Variants in PDE1A observed in about 807,000 individuals in gnomAD.
PDE1A encodes dual specificity calcium/calmodulin-dependent 3',5'-cyclic nucleotide phosphodiesterase 1A.
Under a neutral mutation model 61.7 loss-of-function variants are expected in PDE1A, and 35 were observed. That is an observed-to-expected ratio of 0.57 (90% CI 0.43 to 0.75). The LOEUF (loss-of-function observed/expected upper bound fraction) is 0.75, where lower values mean the gene tolerates loss of function less well. PDE1A is among the 30% of genes least tolerant of loss of function. The probability of loss-of-function intolerance (pLI) is 0.00; values close to 1 mark genes in which losing one functional copy is unlikely to be tolerated. For missense variants in PDE1A, 597 were observed against 630.6 expected, an observed-to-expected ratio of 0.95 and a Z score of 0.57; for synonymous variants, 232 against 213.2, an observed-to-expected ratio of 1.09 and a Z score of -0.77.
chr2:182,330,221 G>A (rs1482224266), intron 1 of PDE1A, among the ~76,000 whole-genome samples: 3 of 151,974 alleles, frequency 2.0e-5, no homozygotes, highest in Non-Finnish European at 4.4e-5. Context: ...GCGCGAGCCT[G>A]TAATCCCAGC....
At chr2:182,674,772 T>A in the PDE1A span, among the ~76,000 whole-genome samples, 2 of 152,084 alleles carry the variant, frequency 1.3e-5, no homozygotes, top group African/African-American at 4.8e-5. Context: ...ACTTTCTACT[T>A]ACCTTTCTTC....
At chr2:182,704,632 A>T in the PDE1A span, among the ~76,000 whole-genome samples, 1 of 152,226 alleles carries the variant, frequency 6.6e-6, no homozygotes, top group East Asian at 1.9e-4. Context: ...TTACATATTA[A>T]CATGTATATT....
At chr2:182,518,016 T>C (rs1414511254) in intron 2 of PDE1A, among the ~76,000 whole-genome samples, 1 of 152,100 alleles carries the variant, frequency 6.6e-6, no homozygotes, top group Admixed American at 6.6e-5. Context: ...TAGGTCTGAA[T>C]AGGAGGCATG....
intron 1 of PDE1A, among the ~76,000 whole-genome samples, chr2:182,367,668 T>C (rs1055472445): frequency 2.6e-4 from 39 of 152,098 alleles, no homozygotes; most frequent in Non-Finnish European, 1.8e-4. Flanking sequence ...GTAGGGTTTA[T>C]AGATTAGTCA....
chr2:182,212,563 C>T (rs569909816), intron 7 of PDE1A, among the ~76,000 whole-genome samples: 43 of 152,230 alleles, frequency 2.8e-4, no homozygotes, highest in African/African-American at 7.5e-4. Context: ...GTGCGCGCAC[C>T]GTGCGCAAGC....
At chr2:182,624,606 G>A in the PDE1A span, among the ~76,000 whole-genome samples, 1 of 152,132 alleles carries the variant, frequency 6.6e-6, no homozygotes, top group South Asian at 2.1e-4. Context: ...TGGCAACCAT[G>A]AGCAATATAA....
At chr2:182,290,610 A>G (rs1293949742) in intron 1 of PDE1A, among the ~76,000 whole-genome samples, 1 of 151,862 alleles carries the variant, frequency 6.6e-6, no homozygotes. Context: ...GAAACTCTGT[A>G]TTTCTATGGC....
chr2:182,625,412 T>G, the PDE1A span, among the ~76,000 whole-genome samples: 1 of 152,222 alleles, frequency 6.6e-6, no homozygotes, highest in Non-Finnish European at 1.5e-5. Flanking sequence ...TTAGTTTAAC[T>G]TTTTCTGACT....
upstream of PDE1A, among the ~76,000 whole-genome samples, chr2:182,429,650 C>T (rs2125627327): frequency 1.3e-5 from 2 of 152,180 alleles, no homozygotes; most frequent in Middle Eastern, 3.4e-3. Flanking sequence ...CCAAGAATTC[C>T]ATCTAACCAA....
At chr2:182,459,670 A>G (rs1686149732) in intron 2 of PDE1A, among the ~76,000 whole-genome samples, 1 of 152,160 alleles carries the variant, frequency 6.6e-6, no homozygotes, top group African/African-American at 2.4e-5. Flanking sequence ...GTTGCCAGGA[A>G]GTGAAGAAGG....
downstream of PDE1A, chr2:182,167,878 A>ATC: frequency 9.6e-7 from 1 of 1,041,650 alleles, no homozygotes; most frequent in Non-Finnish European, 1.2e-6. Flanking sequence ...AAAAGGGACA[A>ATC]TCTAAGGTGA....
At chr2:182,559,896 T>G in the PDE1A span, among the ~76,000 whole-genome samples, 1 of 152,034 alleles carries the variant, frequency 6.6e-6, no homozygotes, top group African/African-American at 2.4e-5. Context: ...TCCATTTAAA[T>G]TTTTAAAAAA....
intron 1 of PDE1A, among the ~76,000 whole-genome samples, chr2:182,371,107 C>G (rs540630539): frequency 6.6e-6 from 1 of 152,206 alleles, no homozygotes; most frequent in East Asian, 1.9e-4. Flanking sequence ...TGGATGGAAT[C>G]ACAACTTAAT....
intron 1 of PDE1A, among the ~76,000 whole-genome samples, chr2:182,301,523 C>T (rs1420903321): frequency 1.3e-5 from 2 of 152,090 alleles, no homozygotes; most frequent in African/African-American, 4.8e-5. Flanking sequence ...GGTAGTGGTG[C>T]AGGGGTGCTT....
At chr2:182,345,804 ACTCTG>A (rs1489097483) in intron 1 of PDE1A, among the ~76,000 whole-genome samples, 1 of 151,626 alleles carries the variant, frequency 6.6e-6, no homozygotes, top group East Asian at 1.9e-4. Context: ...AAAGCTGAAG[ACTCTG>A]CCAGCACTCT....
intron 8 of PDE1A, among the ~76,000 whole-genome samples, chr2:182,203,339 C>G (rs544205483): frequency 1.5e-4 from 23 of 151,826 alleles, no homozygotes; most frequent in African/African-American, 5.6e-4. Flanking sequence ...CAAAACAAAA[C>G]TACATATTGA....
At chr2:182,456,275 GT>G (rs1242120606) in intron 2 of PDE1A, among the ~76,000 whole-genome samples, 1 of 152,068 alleles carries the variant, frequency 6.6e-6, no homozygotes, top group African/African-American at 2.4e-5. Context: ...AGTAGAAACT[GT>G]TGGGGGTGGT....
intron 13 of PDE1A, among the ~76,000 whole-genome samples, chr2:182,173,502 G>T (rs1179363790): frequency 6.6e-6 from 1 of 151,794 alleles, no homozygotes; most frequent in Non-Finnish European, 1.5e-5. Context: ...AACATGATCT[G>T]AAGACAAAGC....
chr2:182,308,819 G>A (rs974612433), intron 1 of PDE1A, among the ~76,000 whole-genome samples: 13 of 152,060 alleles, frequency 8.5e-5, no homozygotes, highest in East Asian at 1.9e-4. Flanking sequence ...AAAGTGCAGC[G>A]TGCAACCTAT....
Sources: allele counts gnomAD v4.1 joint callset (sites outside exome capture counted in the v4.1 genomes callset), GRCh38; gene constraint gnomAD v4.1.1; transcripts MANE v1.5; gene names NCBI Gene and HGNC (gene_info 2026-07-23, HGNC 2026-07-21).